C12orf42: variants seen among roughly 807,000 people sequenced by gnomAD.
C12orf42 encodes the protein uncharacterized protein C12orf42.
C12orf42 carries 25 observed loss-of-function variants against 21.6 expected under a neutral mutation model. That is an observed-to-expected ratio of 1.16 (90% CI 0.84 to 1.62). The LOEUF (loss-of-function observed/expected upper bound fraction) is 1.62, where lower values mean the gene tolerates loss of function less well. Ranked by LOEUF, C12orf42 falls within the 40% of genes most tolerant of loss-of-function variation. The pLI, the probability that C12orf42 is intolerant of heterozygous loss-of-function variation, is 0.00. For missense variants in C12orf42, 483 were observed against 459.3 expected (o/e 1.05, Z -0.47); for synonymous variants, 174 against 175.0 (o/e 0.99, Z 0.05).
At chr12:103,378,101 C>T (rs11111542) in intron 3 of C12orf42, among the ~76,000 whole-genome samples, 21,536 of 152,068 alleles carry the variant, frequency 0.14, 2,018 homozygotes, top group African/African-American at 0.27. Context: ...GCTGACCTGG[C>T]TATTCCAGCT....
At chr12:103,409,572 TA>T (rs1222906384) in intron 2 of C12orf42, among the ~76,000 whole-genome samples, 2 of 151,864 alleles carry the variant, frequency 1.3e-5, no homozygotes, top group South Asian at 2.1e-4. Context: ...TTGATACCCA[TA>T]AAAAAAACTT....
the C12orf42 span, among the ~76,000 whole-genome samples, chr12:103,060,605 A>G: frequency 1.3e-5 from 2 of 152,214 alleles, no homozygotes; most frequent in African/African-American, 4.8e-5. Flanking sequence ...CCAAAACAGC[A>G]TGGTGCTGTT....
At chr12:103,166,921 G>A in the C12orf42 span, among the ~76,000 whole-genome samples, 3 of 152,106 alleles carry the variant, frequency 2.0e-5, no homozygotes, top group South Asian at 6.2e-4. Context: ...TTTATTATAA[G>A]TGTTATTAGT....
intron 2 of C12orf42, among the ~76,000 whole-genome samples, chr12:103,445,881 A>G (rs1225040951): frequency 6.6e-6 from 1 of 151,930 alleles, no homozygotes; most frequent in Non-Finnish European, 1.5e-5. Context: ...GAGATTTGTC[A>G]TTTTTATTTA....
chr12:103,334,984 T>C (rs1034125949), intron 4 of C12orf42, among the ~76,000 whole-genome samples: 1 of 152,196 alleles, frequency 6.6e-6, no homozygotes, highest in Non-Finnish European at 1.5e-5. Context: ...CCCTTTCAAG[T>C]AGGTGACAGT....
At chr12:103,282,760 G>C (rs2036215476) in intron 4 of C12orf42, among the ~76,000 whole-genome samples, 1 of 152,190 alleles carries the variant, frequency 6.6e-6, no homozygotes, top group African/African-American at 2.4e-5. Flanking sequence ...TGTCTTTAAG[G>C]TCAACACCTG....
At chr12:103,268,080 G>A (rs1203702658), downstream of C12orf42, 1 of 152,068 alleles carries the variant, frequency 6.6e-6, no homozygotes, top group East Asian at 1.9e-4. Context: ...AAAATCAAGA[G>A]TGATTATAGA....
intron 3 of C12orf42, among the ~76,000 whole-genome samples, chr12:103,391,843 T>A (rs980590914): frequency 1.3e-5 from 2 of 152,212 alleles, no homozygotes; most frequent in East Asian, 1.9e-4. Context: ...TGAGGTCCAA[T>A]TTATCTATAT....
the C12orf42 span, among the ~76,000 whole-genome samples, chr12:103,164,009 G>A: frequency 2.0e-5 from 3 of 152,274 alleles, no homozygotes; most frequent in East Asian, 5.8e-4. Context: ...CAAAGCCCAT[G>A]CACCTTCCAC....
chr12:103,148,503 T>C, the C12orf42 span, among the ~76,000 whole-genome samples: 1 of 152,032 alleles, frequency 6.6e-6, no homozygotes, highest in Non-Finnish European at 1.5e-5. Context: ...TCTAGTTCAA[T>C]TTCTTCCTTT....
At chr12:103,143,308 A>G in the C12orf42 span, among the ~76,000 whole-genome samples, 3 of 152,220 alleles carry the variant, frequency 2.0e-5, no homozygotes, top group Admixed American at 2.0e-4. Context: ...GAATTGGAAA[A>G]TTAGTGGGTA....
At chr12:103,477,537 T>C (rs753077948) in intron 2 of C12orf42, among the ~76,000 whole-genome samples, 4 of 152,060 alleles carry the variant, frequency 2.6e-5, no homozygotes, top group Non-Finnish European at 5.9e-5. Context: ...GAAAGGGAGA[T>C]GATCCTGGAT....
the C12orf42 span, among the ~76,000 whole-genome samples, chr12:103,182,524 G>T: frequency 1.3e-5 from 2 of 152,148 alleles, no homozygotes; most frequent in Non-Finnish European, 2.9e-5. Flanking sequence ...TCAGTAGCAG[G>T]TAACCTAAGG....
the C12orf42 span, among the ~76,000 whole-genome samples, chr12:103,190,398 C>T: frequency 6.6e-6 from 1 of 152,016 alleles, no homozygotes; most frequent in Admixed American, 6.6e-5. Context: ...AAATAAGCCC[C>T]TCACAACATC....
the C12orf42 span, among the ~76,000 whole-genome samples, chr12:103,128,215 C>T: frequency 1.3e-5 from 2 of 151,836 alleles, no homozygotes; most frequent in Non-Finnish European, 2.9e-5. Context: ...GTCCTTGGTA[C>T]CTGCTAAGGA....
chr12:103,462,522 CTTCT>C lies in C12orf42; in HGVS notation c.78+15823_78+15826del, dbSNP rs561633466. Among the ~76,000 whole-genome samples the C allele has an allele frequency of 2.6e-5, 4 of 152,242 alleles. No individual in the cohort carries two copies. The South Asian group carries it at 8.3e-4, about 32-fold the overall frequency. ...ATCATAGGTGGTTGCTGTAGCACTCCTTCTTTACCAGCCCAAATGAGAATGTCCC... is the reference window on the plus strand; with the variant it reads ...ATCATAGGTGGTTGCTGTAGCACTCCTTACCAGCCCAAATGAGAATGTCCC... On this transcript the variant is annotated intron_variant, in intron 2 of 5. Coordinates refer to ENST00000548883, the MANE Select transcript of C12orf42 (RefSeq NM_198521.5).
chr12:103,254,097 T>C (rs1431592802), intron 10 of C12orf42, among the ~76,000 whole-genome samples: 2 of 152,228 alleles, frequency 1.3e-5, no homozygotes, highest in Admixed American at 1.3e-4. Context: ...TTCTAGGGTT[T>C]TTATAGTTTT....
chr12:103,330,458 T>C (rs1171782500), intron 4 of C12orf42, among the ~76,000 whole-genome samples: 1 of 152,188 alleles, frequency 6.6e-6, no homozygotes, highest in East Asian at 1.9e-4. Flanking sequence ...AATCCCTCAG[T>C]GTTAAATTCT....
intron 3 of C12orf42, among the ~76,000 whole-genome samples, chr12:103,397,486 G>A (rs1300423827): frequency 6.6e-6 from 1 of 152,164 alleles, no homozygotes; most frequent in South Asian, 2.1e-4. Flanking sequence ...CTGTGCATGC[G>A]AGGGATCAAG....
Sources: gnomAD v4.1 joint callset for allele counts (sites outside exome capture counted in the v4.1 genomes callset) on GRCh38, gnomAD v4.1.1 for gene constraint, MANE v1.5 for transcripts, NCBI Gene and HGNC (gene_info 2026-07-23, HGNC 2026-07-21) for gene names.